XKR6: variants seen among roughly 807,000 people sequenced by gnomAD.
XKR6 encodes the protein XK related 6.
A neutral mutation model predicts 56.7 loss-of-function variants in XKR6; 22 were observed. The observed-to-expected ratio is 0.39, with a 90% confidence interval of 0.28 to 0.55. The LOEUF (loss-of-function observed/expected upper bound fraction) is 0.55, where lower values mean the gene tolerates loss of function less well. Ranked by LOEUF, XKR6 falls within the 20% of genes least tolerant of loss-of-function variation. The pLI is 0.66. For missense variants in XKR6, 852 were observed against 889.0 expected (o/e 0.96, Z 0.53); for synonymous variants, 524 against 387.8 (o/e 1.35, Z -4.13).
At chr8:11,106,583 T>A in intron 1 of XKR6, 1 of 152,554 alleles carries the variant, frequency 6.6e-6, no homozygotes, top group Non-Finnish European at 1.5e-5. Context: ...GCGCGGTGGC[T>A]CATGCCTGTA....
At chr8:11,033,373 ATGGTGGTGG>A (rs1366243447) in intron 1 of XKR6, among the ~76,000 whole-genome samples, 11 of 149,748 alleles carry the variant, frequency 7.3e-5, no homozygotes, top group African/African-American at 2.8e-4. Flanking sequence ...AGTGATGGTG[ATGGTGGTGG>A]TGATGATGAT....
chr8:11,087,964 C>G (rs928464670), intron 1 of XKR6, among the ~76,000 whole-genome samples: 20 of 152,244 alleles, frequency 1.3e-4, no homozygotes, highest in African/African-American at 4.3e-4. Context: ...GCCATTAAAA[C>G]AAACAACTTG....
rs143018397 is a variant in XKR6 at position 10,898,387 on chromosome 8, C to T, written c.1491G>A (p.Val497=). The change falls in exon 3 of 3, where the codon GTG becomes GTA. Residue 497 remains valine (V), a synonymous_variant. Coordinates refer to ENST00000416569, the MANE Select transcript of XKR6 (RefSeq NM_173683.4). This position sits in a 1 kb window ranked among gnomAD's most constrained non-coding sequence, Gnocchi z 6.6. ...TAGCTCGTGGTCCTGTGGGATGCAG[C>T]ACGCCATAGTATAAGAGCATCATTG... ...GIAMMLLYYG[V]LHPTGPRAKI... 1.3e-5 allele frequency: 21 copies of T among 1,613,930 alleles called. No individual in the cohort carries two copies. The African/African-American group carries it at 2.8e-4, about 22-fold the overall frequency.
At chr8:10,997,054 G>T (rs1055665518) in intron 1 of XKR6, among the ~76,000 whole-genome samples, 4 of 152,082 alleles carry the variant, frequency 2.6e-5, no homozygotes, top group African/African-American at 9.7e-5. Context: ...ACACATGTAC[G>T]CCACAACCTT....
chr8:10,992,912 G>A (rs1442874678), intron 1 of XKR6, among the ~76,000 whole-genome samples: 1 of 152,222 alleles, frequency 6.6e-6, no homozygotes, highest in East Asian at 1.9e-4. Flanking sequence ...ACCACGCCGA[G>A]CTGAGGTGGC....
chr8:11,121,944 C>T (rs922493272), intron 1 of XKR6, among the ~76,000 whole-genome samples: 3 of 152,214 alleles, frequency 2.0e-5, no homozygotes, highest in African/African-American at 7.2e-5. Flanking sequence ...GACAAAAAAC[C>T]ATATACCACA....
At chr8:11,056,322 C>T (rs1160673770) in intron 1 of XKR6, among the ~76,000 whole-genome samples, 1 of 152,236 alleles carries the variant, frequency 6.6e-6, no homozygotes, top group East Asian at 1.9e-4. Flanking sequence ...CCCACAAGTG[C>T]CTTCCTTTCC....
chr8:10,908,992 G>A (rs192490172), intron 2 of XKR6, among the ~76,000 whole-genome samples: 13 of 152,196 alleles, frequency 8.5e-5, no homozygotes, highest in South Asian at 8.3e-4. Flanking sequence ...TGGCGAAACC[G>A]CATCTCTACT....
intron 1 of XKR6, among the ~76,000 whole-genome samples, chr8:11,185,640 G>A (rs1803235311): frequency 6.6e-6 from 1 of 152,202 alleles, no homozygotes; most frequent in Non-Finnish European, 1.5e-5. Flanking sequence ...GATGGGACAT[G>A]ATTTTGAAAG....
intron 1 of XKR6, among the ~76,000 whole-genome samples, chr8:11,173,438 C>T (rs1563193769): frequency 6.6e-6 from 1 of 151,398 alleles, no homozygotes; most frequent in Non-Finnish European, 1.5e-5. Context: ...TAACAGCTCC[C>T]AGAGAACAGA....
At chr8:11,198,638 G>A (rs553965943) in intron 1 of XKR6, among the ~76,000 whole-genome samples, 2 of 152,246 alleles carry the variant, frequency 1.3e-5, no homozygotes, top group Admixed American at 6.5e-5. Context: ...ACATTTAGGT[G>A]AATGGAGGTG....
intron 1 of XKR6, among the ~76,000 whole-genome samples, chr8:10,954,012 A>G (rs1801804265): frequency 6.6e-6 from 1 of 152,224 alleles, no homozygotes; most frequent in Non-Finnish European, 1.5e-5. Context: ...TCTATTGTTG[A>G]GTAATGTTCC....
intron 1 of XKR6, among the ~76,000 whole-genome samples, chr8:11,160,804 C>T (rs536048808): frequency 6.7e-6 from 1 of 148,872 alleles, no homozygotes; most frequent in African/African-American, 2.5e-5. Flanking sequence ...CCCAGCTACT[C>T]GGTAGGCTAA....
At chr8:11,083,847 A>G (rs1473463968) in intron 1 of XKR6, among the ~76,000 whole-genome samples, 1 of 152,174 alleles carries the variant, frequency 6.6e-6, no homozygotes, top group Non-Finnish European at 1.5e-5. Flanking sequence ...GCCCACTATG[A>G]TTACATGTTT....
rs1170764684 is a variant in XKR6 at position 11,129,746 on chromosome 8, TG to T, written c.764+70829del. Among the ~76,000 whole-genome samples the T allele has an allele frequency of 2.0e-5, 3 of 152,334 alleles. No individual in the cohort carries two copies. The East Asian group carries it at 5.8e-4, about 29-fold the overall frequency. ...TTGCATCTAATTTTTTAAATCGATGTGGGAAGGAGGACAGGGAAACAGGACA... is the reference window on the plus strand; with the variant it reads ...TTGCATCTAATTTTTTAAATCGATGTGGAAGGAGGACAGGGAAACAGGACA... On this transcript the variant is annotated intron_variant, in intron 1 of 2. Transcript: ENST00000416569.
intron 1 of XKR6, chr8:11,035,072 C>G (rs755361316): frequency 2.7e-5 from 11 of 413,178 alleles, no homozygotes; most frequent in African/African-American, 4.1e-5. Flanking sequence ...TCTTTCTGAG[C>G]TTCGGTTTCC....
chr8:11,119,619 G>A (rs1799349686), intron 1 of XKR6, among the ~76,000 whole-genome samples: 1 of 152,162 alleles, frequency 6.6e-6, no homozygotes, highest in Admixed American at 6.5e-5. Flanking sequence ...CCGAGACTAG[G>A]ATTGCAAACC....
At chr8:11,097,080 T>C (rs1217035304) in intron 1 of XKR6, among the ~76,000 whole-genome samples, 1 of 152,174 alleles carries the variant, frequency 6.6e-6, no homozygotes, top group Non-Finnish European at 1.5e-5. Context: ...TTAAATCTGA[T>C]TTCCTCAGAG....
At chr8:11,148,600 C>G (rs1563174875) in intron 1 of XKR6, among the ~76,000 whole-genome samples, 1 of 152,228 alleles carries the variant, frequency 6.6e-6, no homozygotes, top group Admixed American at 6.5e-5. Context: ...GGTTCAACTA[C>G]TCTGGAAAAC....
Sources: gnomAD v4.1 joint callset for allele counts (sites outside exome capture counted in the v4.1 genomes callset) on GRCh38, gnomAD v4.1.1 for gene constraint, Gnocchi (gnomAD v3.1) non-coding constraint, MANE v1.5 for transcripts, NCBI Gene and HGNC (gene_info 2026-07-23, HGNC 2026-07-21) for gene names.